Variants in NME1 observed in about 807,000 individuals in gnomAD.
NME1 encodes nucleoside diphosphate kinase A.
A neutral mutation model predicts 17.2 loss-of-function variants in NME1; 9 were observed. The ratio of observed to expected loss-of-function variants is 0.52; its 90% CI spans 0.32 to 0.92. NME1 has a LOEUF of 0.92. Among genes scored for constraint, NME1 ranks in the 40% least tolerant of loss-of-function variants. The pLI, the probability that NME1 is intolerant of heterozygous loss-of-function variation, is 0.04. For missense variants in NME1, 169 were observed against 201.7 expected, an observed-to-expected ratio of 0.84 and a Z score of 0.98; for synonymous variants, 72 against 70.8, an observed-to-expected ratio of 1.02 and a Z score of -0.09.
chr17:51,158,686 A>G (rs572973229), intron 2 of NME1, among the ~76,000 whole-genome samples: 1 of 152,312 alleles, frequency 6.6e-6, no homozygotes, highest in Admixed American at 6.5e-5. Flanking sequence ...GCCAGTCTCC[A>G]CATCTGTGTG....
chr17:51,161,030 A>C (rs2049856842), intron 3 of NME1, 130 bp from the exon 4 acceptor site: 2 of 933,296 alleles, frequency 2.1e-6, no homozygotes, highest in African/African-American at 3.3e-5. Context: ...TATACTCTAT[A>C]AACATTTGTT....
In NME1 at chr17:51,161,192, C is replaced by G. The variant is rs1215030354; in HGVS notation, c.261C>G (p.Gly87=). The G allele has an allele frequency of 1.9e-6, 3 of 1,612,308 alleles. No individual in the cohort carries two copies. Among genetic ancestry groups the G allele is most frequent in the Non-Finnish European group, 2.5e-6 (3 of 1,179,406 alleles). Residue 87 remains glycine, a synonymous_variant, in exon 4 of 5, where the codon GGC becomes GGG. Transcript: ENST00000393196. Reference sequence around the variant, plus strand: ...AGGGGCTGAATGTGGTGAAGACGGGCCGAGTCATGCTCGGGGAGACCAACC... The same window carrying G: ...AGGGGCTGAATGTGGTGAAGACGGGGCGAGTCATGCTCGGGGAGACCAACC... ...VWEGLNVVKT[G]RVMLGETNPA...
At chr17:51,154,801 C>G (rs2049760892) in intron 1 of NME1, among the ~76,000 whole-genome samples, 1 of 152,208 alleles carries the variant, frequency 6.6e-6, no homozygotes, top group South Asian at 2.1e-4. Context: ...TACCGGACAT[C>G]ACTTTCACAT....
In NME1 at chr17:51,155,760, G is replaced by A; in HGVS notation, c.106G>A (p.Val36Ile). ...KRFEQKGFRLVGLKFMQASED... is the reference protein window; with the variant it reads ...KRFEQKGFRLIGLKFMQASED... ...TTTTGAGCAGAAAGGATTCCGCCTT[G>A]TTGGTCTGAAATTCATGCAAGTAAG... The change falls in exon 2 of 5, where the codon GTT (valine) becomes ATT (isoleucine). Residue 36 changes from valine to isoleucine, a missense_variant. Val to Ile is a conservative substitution (Grantham distance 29, BLOSUM62 3). Coordinates refer to ENST00000393196, the MANE Select transcript of NME1 (RefSeq NM_000269.3). 6.2e-7 allele frequency: 1 copy of A among 1,613,680 alleles called. No individual in the cohort carries two copies. Among genetic ancestry groups the A allele is most frequent in the Non-Finnish European group, 8.5e-7 (1 of 1,179,638 alleles).
intron 1 of NME1, 123 bp downstream of exon 1, chr17:51,153,785 A>C: frequency 6.4e-6 from 1 of 156,454 alleles, no homozygotes. Context: ...ATCGGATGGG[A>C]GGAGGGGCAG....
intron 2 of NME1, among the ~76,000 whole-genome samples, chr17:51,159,154 T>C (rs2049828532): frequency 6.6e-6 from 1 of 152,182 alleles, no homozygotes; most frequent in Admixed American, 6.5e-5. Context: ...TTTTCCTGTC[T>C]AAAATGAGAT....
chr17:51,160,363 G>T (rs888355381), intron 3 of NME1: 30 of 490,204 alleles, frequency 6.1e-5, no homozygotes, highest in African/African-American at 5.3e-4. Flanking sequence ...AGCCAGCCAT[G>T]TACAGAATCA....
At position 51,159,897 on chromosome 17, in the gene NME1, C is replaced by G; in HGVS notation, c.127-83C>G. On this transcript the variant is annotated intron_variant, in intron 2 of 4. Coordinates refer to ENST00000393196, the MANE Select transcript of NME1 (RefSeq NM_000269.3). ...GCCCAACCGCTCATGTTTTACATAG[C>G]AGGGTGGATGAGGGGAAATTAAATG... 4 of 1,509,162 alleles carry G rather than the reference C, an allele frequency of 2.7e-6. No individual in the cohort carries two copies. In the South Asian group the frequency reaches 4.5e-5, roughly 17 times the overall value. 93.5% of individuals were successfully genotyped at this position (1,509,162 alleles called of 1,614,324 possible).
At position 51,161,989 on chromosome 17, in the gene NME1, C is replaced by T; in HGVS notation, c.*144C>T. The T allele has an allele frequency of 7.5e-6, 5 of 667,420 alleles. No homozygotes were observed. Among genetic ancestry groups the T allele is most frequent in the South Asian group, 3.4e-5 (2 of 59,416 alleles). The allele number at this position is 667,420 out of a possible 1,614,324, so 41.3% of individuals were successfully genotyped here. ...CTTGGAGCTGTGAGTTCTCCCTGTA[C>T]AGTGTTACCATCCCCGACCATCTGA... On this transcript the variant is annotated 3_prime_UTR_variant, in exon 5 of 5. Coordinates refer to ENST00000393196, the MANE Select transcript of NME1 (RefSeq NM_000269.3).
chr17:51,161,163 T>TG lies in NME1; in HGVS notation c.235dup (p.Glu79GlyfsTer43). ...ATATCTTCTTCTGTCCTTGGAGGTC[T>TG]GGGAGGGGCTGAATGTGGTGAAGAC... On this transcript the variant is annotated frameshift_variant, in exon 4 of 5. Transcript: ENST00000393196. LOFTEE classifies it high-confidence loss of function. The TG allele has an allele frequency of 6.2e-7, 1 of 1,609,932 alleles. No individual in the cohort carries two copies. Among genetic ancestry groups the TG allele is most frequent in the Non-Finnish European group, 8.5e-7 (1 of 1,178,210 alleles).
At chr17:51,158,599 G>A (rs931965641) in intron 2 of NME1, among the ~76,000 whole-genome samples, 2 of 152,190 alleles carry the variant, frequency 1.3e-5, no homozygotes, top group Admixed American at 6.5e-5. Context: ...TCCCTACCAC[G>A]GAGTGATTAT....
In NME1 at chr17:51,154,144, G is replaced by A. The variant is rs190115397; in HGVS notation, c.-5+482G>A. 1.7e-4 allele frequency: 94 copies of A among 537,416 alleles called. No homozygotes were observed. In the East Asian group the frequency reaches 2.7e-3, roughly 15 times the overall value. 33.3% of individuals were successfully genotyped at this position (537,416 alleles called of 1,614,324 possible). On this transcript the variant is annotated intron_variant, in intron 1 of 4. Transcript: ENST00000393196. The stretch of plus-strand genomic sequence containing the variant: ...TCGTGCGATTCTCCGCAGTCTTTGG[G>A]CTTTGTCTCTCTCTCTTTTTTTTTT...
intron 1 of NME1, among the ~76,000 whole-genome samples, chr17:51,155,436 A>C (rs1472679835): frequency 6.6e-6 from 1 of 152,178 alleles, no homozygotes; most frequent in Non-Finnish European, 1.5e-5. Context: ...ATCAAATGGG[A>C]TAGAAATTAT....
At chr17:51,154,172 T>G in intron 1 of NME1, 1 of 538,646 alleles carries the variant, frequency 1.9e-6, no homozygotes, top group Non-Finnish European at 3.4e-6. Context: ...TTTTTTTTTT[T>G]GGAAGTTGCA....
chr17:51,161,289 T>G lies in NME1; in HGVS notation c.341+17T>G. The G allele has an allele frequency of 1.9e-6, 3 of 1,580,582 alleles. No homozygotes were observed. The highest frequency in any genetic ancestry group is 2.6e-6 in the Non-Finnish European group (3 of 1,162,202). On this transcript the variant is annotated intron_variant, in intron 4 of 4. Coordinates refer to ENST00000393196, the MANE Select transcript of NME1 (RefSeq NM_000269.3). ...AGTTGGCAGGTGAGATTTTGGTATTTTTCCCCCTTTTCCAAAATCTGATTT... is the reference window on the plus strand; with the variant it reads ...AGTTGGCAGGTGAGATTTTGGTATTGTTCCCCCTTTTCCAAAATCTGATTT...
At chr17:51,159,218 C>T (rs551234092) in intron 2 of NME1, among the ~76,000 whole-genome samples, 22 of 152,264 alleles carry the variant, frequency 1.4e-4, no homozygotes, top group Admixed American at 1.0e-3. Flanking sequence ...CTTTGGGAGG[C>T]GGAGGCTGGA....
intron 1 of NME1, chr17:51,154,277 G>T: frequency 1.8e-6 from 2 of 1,097,802 alleles, no homozygotes. Flanking sequence ...TCAGCCTGGT[G>T]TGCAGGGGAG....
chr17:51,154,761 T>C (rs934167933), intron 1 of NME1, among the ~76,000 whole-genome samples: 1 of 152,244 alleles, frequency 6.6e-6, no homozygotes, highest in African/African-American at 2.4e-5. Context: ...GCTGTGGCAT[T>C]AAGTCAAACT....
chr17:51,155,999 G>A, intron 2 of NME1: 2 of 509,910 alleles, frequency 3.9e-6, no homozygotes, highest in Non-Finnish European at 3.4e-6. Flanking sequence ...GTAATAGGAG[G>A]TGCATTGCTA....
Sources: allele counts gnomAD v4.1 joint callset (sites outside exome capture counted in the v4.1 genomes callset), GRCh38; gene constraint gnomAD v4.1.1; transcripts MANE v1.5; gene names NCBI Gene and HGNC (gene_info 2026-07-23, HGNC 2026-07-21).